C2orf80: variants seen among roughly 807,000 people sequenced by gnomAD.
C2orf80 encodes the protein chromosome 2 open reading frame 80, also known as uncharacterized protein C2orf80.
In C2orf80, 28 loss-of-function variants were observed where a neutral mutation model predicts 30.2. That is an observed-to-expected ratio of 0.93 (90% CI 0.69 to 1.27). The LOEUF is 1.27. Ranked by LOEUF, C2orf80 falls within the 50% of genes most tolerant of loss-of-function variation. C2orf80 has a pLI of 0.00. For synonymous variants in C2orf80, 80 were observed against 76.4 expected, an observed-to-expected ratio of 1.05 and a Z score of -0.24; for missense variants, 220 against 231.0, an observed-to-expected ratio of 0.95 and a Z score of 0.31.
At chr2:208,176,452 T>C (rs1696297221) in intron 6 of C2orf80, among the ~76,000 whole-genome samples, 1 of 152,180 alleles carries the variant, frequency 6.6e-6, no homozygotes, top group African/African-American at 2.4e-5. Flanking sequence ...CTGGGATTAC[T>C]GGCGTGAGCC....
At chr2:208,167,732 A>G (rs1376978838) in intron 8 of C2orf80, among the ~76,000 whole-genome samples, 1 of 151,680 alleles carries the variant, frequency 6.6e-6, no homozygotes, top group Non-Finnish European at 1.5e-5. Flanking sequence ...GTGCACCACC[A>G]CACCCAGCTA....
chr2:208,171,176 C>CAAAA, intron 7 of C2orf80, 113 bp from the exon 8 acceptor site: 2 of 743,034 alleles, frequency 2.7e-6, no homozygotes, highest in Non-Finnish European at 4.5e-6. Flanking sequence ...GACAGGGTCT[C>CAAAA]ACTTTGTCAC....
chr2:208,186,081 A>T (rs1219342619), intron 2 of C2orf80, among the ~76,000 whole-genome samples: 1 of 152,134 alleles, frequency 6.6e-6, no homozygotes, highest in Non-Finnish European at 1.5e-5. Flanking sequence ...TGCCAATATA[A>T]TCTCTGCTTA....
At chr2:208,167,306 G>A (rs1695926899) in intron 8 of C2orf80, among the ~76,000 whole-genome samples, 3 of 151,808 alleles carry the variant, frequency 2.0e-5, no homozygotes, top group Non-Finnish European at 4.4e-5. Context: ...GGTGGATCAC[G>A]AGGTCAGGAG....
chr2:208,168,881 T>C (rs1695999238), intron 8 of C2orf80, among the ~76,000 whole-genome samples: 1 of 150,892 alleles, frequency 6.6e-6, no homozygotes, highest in Non-Finnish European at 1.5e-5. Flanking sequence ...AAAGGTCTGG[T>C]CCCCAGAACT....
chr2:208,175,951 G>A (rs1305159466), intron 6 of C2orf80, among the ~76,000 whole-genome samples: 2 of 152,104 alleles, frequency 1.3e-5, no homozygotes, highest in Non-Finnish European at 2.9e-5. Flanking sequence ...TTCTGGAGGC[G>A]GGGAGCTTGT....
chr2:208,189,348 C>T (rs919851519), intron 1 of C2orf80, among the ~76,000 whole-genome samples: 4 of 152,126 alleles, frequency 2.6e-5, no homozygotes, highest in East Asian at 1.9e-4. Context: ...CCCCCACCAC[C>T]ACCATTCAAT....
intron 6 of C2orf80, 69 bp downstream of exon 6, chr2:208,180,676 T>C: frequency 8.4e-7 from 1 of 1,190,502 alleles, no homozygotes; most frequent in Middle Eastern, 2.0e-4. Context: ...AATACAACAT[T>C]ATACATTTAT....
chr2:208,184,866 T>C (rs1696667083), intron 3 of C2orf80, 85 bp downstream of exon 3: 1 of 1,120,270 alleles, frequency 8.9e-7, no homozygotes. Flanking sequence ...ATTAGCCTTG[T>C]TTATTGTATA....
rs777240247 is a variant in C2orf80 at position 208,180,805 on chromosome 2, C to T, written c.306G>A (p.Pro102=). The T allele has an allele frequency of 1.3e-5, 21 of 1,613,190 alleles. No individual in the cohort carries two copies. Among genetic ancestry groups the T allele is most frequent in the African/African-American group, 2.7e-5 (2 of 74,864 alleles). Residue 102 remains proline, a synonymous_variant, in exon 6 of 9, where the codon CCG becomes CCA. Transcript: ENST00000341287. ...SYAGILMNSI[P]IEEVFKIYGA... is the part of the protein sequence containing the mutation. ...CATAAATTTTAAAGACTTCCTCAAT[C>T]GGGATACTGTTCTGTTAAACAACAA...
intron 4 of C2orf80, among the ~76,000 whole-genome samples, chr2:208,181,673 A>T (rs1262647179): frequency 6.6e-6 from 1 of 152,104 alleles, no homozygotes; most frequent in Admixed American, 6.6e-5. Context: ...AGGGAAGCTG[A>T]CTACACCCCT....
chr2:208,187,179 G>T, intron 1 of C2orf80, 118 bp from the exon 2 acceptor site: 1 of 550,688 alleles, frequency 1.8e-6, no homozygotes, highest in Non-Finnish European at 3.2e-6. Flanking sequence ...CCTCTTACTC[G>T]GCAGGTTCAG....
chr2:208,178,103 C>G (rs919611611), intron 6 of C2orf80, among the ~76,000 whole-genome samples: 1 of 152,126 alleles, frequency 6.6e-6, no homozygotes, highest in Admixed American at 6.5e-5. Context: ...CAGGCATGAG[C>G]TACCGCGCCC....
intron 6 of C2orf80, among the ~76,000 whole-genome samples, chr2:208,173,137 A>AAAAAAAAC: frequency 6.6e-6 from 1 of 151,408 alleles, no homozygotes; most frequent in African/African-American, 2.4e-5. Context: ...AAAAAAAAAA[A>AAAAAAAAC]AAAAAAACTC....
At chr2:208,176,907 G>GTATACATA (rs374721784) in intron 6 of C2orf80, among the ~76,000 whole-genome samples, 1,789 of 10,122 alleles carry the variant, frequency 0.18, 296 homozygotes, top group African/African-American at 0.34. Flanking sequence ...ATACATATCT[G>GTATACATA]TGTATACATA....
rs906832159 is a variant in C2orf80, at chr2:208,177,255, C to G, written c.366+3490G>C. 6.0e-5 allele frequency among the ~76,000 whole-genome samples: 9 copies of G among 149,780 alleles called. No homozygotes were observed. The East Asian group carries it at 1.8e-3, about 29-fold the overall frequency. ...ACATCACATAGCAATAAACAAAATA[C>G]AAGCGGCCAGACGTGGTGGCTCACG... is the stretch of plus-strand genomic sequence containing the variant. On this transcript the variant is annotated intron_variant, in intron 6 of 8. Transcript: ENST00000341287.
At chr2:208,175,736 CG>C (rs1362470144) in intron 6 of C2orf80, among the ~76,000 whole-genome samples, 4 of 125,764 alleles carry the variant, frequency 3.2e-5, no homozygotes, top group African/African-American at 6.9e-5. Context: ...CTTGCAATAT[CG>C]TTTTTTTTTT....
In C2orf80 at chr2:208,186,849, T is replaced by C. The variant is rs868859592; in HGVS notation, c.41+97A>G. On this transcript the variant is annotated intron_variant, in intron 2 of 8. Transcript: ENST00000341287. The stretch of plus-strand genomic sequence containing the variant: ...CTCCTACCATGCAGAAATAGATTCT[T>C]AGATTTTTACCCACTGCCAATACCC... 4.5e-5 allele frequency: 49 copies of C among 1,080,816 alleles called. 1 individual carries two copies. The highest frequency in any genetic ancestry group is 4.5e-4 in the Middle Eastern group (2 of 4,412). The allele number at this position is 1,080,816 out of a possible 1,614,324, so 67.0% of individuals were successfully genotyped here.
rs1275019817 is a variant in C2orf80, at chr2:208,189,954, A to T, written c.-77T>A. 1 of 702,858 alleles carries T rather than the reference A, an allele frequency of 1.4e-6. No individual in the cohort carries two copies. The highest frequency in any genetic ancestry group is 2.0e-5 in the Admixed American group (1 of 49,994). 43.5% of individuals were successfully genotyped at this position (702,858 alleles called of 1,614,324 possible). A position where few individuals can be genotyped will look rare whatever the true frequency, so the allele number is the denominator to read the frequency against. ...AATTCCCCTTTGAGAATCGCTCACC[A>T]ACCGGAGACCGGTTCCAGTGCTTTT... is the stretch of plus-strand genomic sequence containing the variant. On this transcript the variant is annotated splice_region_variant and 5_prime_UTR_variant, in exon 1 of 9. Transcript: ENST00000341287.
Sources: allele counts gnomAD v4.1 joint callset (sites outside exome capture counted in the v4.1 genomes callset), GRCh38; gene constraint gnomAD v4.1.1; transcripts MANE v1.5; gene names NCBI Gene and HGNC (gene_info 2026-07-23, HGNC 2026-07-21).